Variants in SGCG observed in about 807,000 individuals in gnomAD.
SGCG encodes gamma-sarcoglycan.
Under a neutral mutation model 29.3 loss-of-function variants are expected in SGCG, and 26 were observed. The ratio of observed to expected loss-of-function variants is 0.89; its 90% CI spans 0.65 to 1.23. The LOEUF is 1.23. Among genes scored for constraint, SGCG ranks in the 50% most tolerant of loss-of-function variants. The probability of loss-of-function intolerance (pLI) is 0.00; values close to 1 mark genes in which losing one functional copy is unlikely to be tolerated. For missense variants in SGCG, 353 were observed against 356.0 expected (o/e 0.99, Z 0.07); for synonymous variants, 145 against 129.7 (o/e 1.12, Z -0.80).
rs1328515702 is a variant in SGCG, at chr13:23,181,075, G to C, written c.-1G>C. On this transcript the variant is annotated splice_region_variant and 5_prime_UTR_variant, in exon 1 of 8. Coordinates refer to ENST00000218867, the MANE Select transcript of SGCG (RefSeq NM_000231.3). ...CCAGTGTGCTTTTCTTAATATCTAA[G>C]GTAAGTGCTCAGTTTTAACTTAGAT... 1 of 152,086 alleles carries C rather than the reference G, an allele frequency of 6.6e-6. No homozygotes were observed. Among genetic ancestry groups the C allele is most frequent in the Non-Finnish European group, 1.5e-5 (1 of 68,018 alleles). 9.4% of individuals were successfully genotyped at this position (152,086 alleles called of 1,614,324 possible).
At chr13:23,300,931 C>T (rs9507074) in intron 6 of SGCG, among the ~76,000 whole-genome samples, 83,900 of 151,646 alleles carry the variant, frequency 0.55, 24,381 homozygotes, top group East Asian at 0.84. Flanking sequence ...CTGGCTAACA[C>T]GGTGAAACCC....
intron 6 of SGCG, among the ~76,000 whole-genome samples, chr13:23,305,833 A>AG (rs1419361152): frequency 3.3e-5 from 5 of 152,164 alleles, no homozygotes; most frequent in African/African-American, 1.2e-4. Flanking sequence ...TCTGAGAATA[A>AG]ATCCTACTTT....
intron 6 of SGCG, among the ~76,000 whole-genome samples, chr13:23,317,030 G>C (rs34453892): frequency 0.2 from 30,578 of 151,946 alleles, 3,740 homozygotes; most frequent in Middle Eastern, 0.31. Context: ...CACAGTGAAA[G>C]CTGTCTCTAC....
chr13:23,183,890 T>C (rs1876854193), intron 1 of SGCG, among the ~76,000 whole-genome samples: 1 of 152,136 alleles, frequency 6.6e-6, no homozygotes, highest in Non-Finnish European at 1.5e-5. Flanking sequence ...ATGGTCTCGA[T>C]CTGCTGACCT....
intron 5 of SGCG, among the ~76,000 whole-genome samples, chr13:23,282,044 C>G (rs1429807924): frequency 6.6e-6 from 1 of 152,152 alleles, no homozygotes; most frequent in African/African-American, 2.4e-5. Context: ...CAAAATATAC[C>G]CCACCTCTAA....
At chr13:23,200,809 C>T (rs1330441225) in intron 1 of SGCG, among the ~76,000 whole-genome samples, 1 of 152,082 alleles carries the variant, frequency 6.6e-6, no homozygotes, top group Admixed American at 6.6e-5. Context: ...ATCGGGAGAC[C>T]TTCCAGGTAG....
intron 5 of SGCG, 86 bp downstream of exon 5, chr13:23,279,564 A>G: frequency 7.4e-7 from 1 of 1,342,958 alleles, no homozygotes; most frequent in Non-Finnish European, 1.1e-6. Flanking sequence ...TTTATGTGGA[A>G]TCTTTCAAGC....
At chr13:23,314,932 C>T (rs1366468546) in intron 6 of SGCG, among the ~76,000 whole-genome samples, 1 of 152,144 alleles carries the variant, frequency 6.6e-6, no homozygotes, top group Non-Finnish European at 1.5e-5. Context: ...TATCGAGTGA[C>T]CCAAAAGGCT....
chr13:23,187,651 G>A (rs566983761), intron 1 of SGCG, among the ~76,000 whole-genome samples: 76 of 152,262 alleles, frequency 5.0e-4, no homozygotes, highest in African/African-American at 1.1e-3. Context: ...GTGGGTGACC[G>A]GGACTCTGGG....
chr13:23,192,596 A>G (rs559177330), intron 1 of SGCG, among the ~76,000 whole-genome samples: 1 of 151,974 alleles, frequency 6.6e-6, no homozygotes, highest in African/African-American at 2.4e-5. Context: ...GGGTTTCACC[A>G]TGTTGGCCAG....
chr13:23,277,318 T>C (rs1881115576), intron 4 of SGCG, among the ~76,000 whole-genome samples: 1 of 151,988 alleles, frequency 6.6e-6, no homozygotes, highest in South Asian at 2.1e-4. Flanking sequence ...AATAAATACA[T>C]AGGCATATCA....
intron 1 of SGCG, among the ~76,000 whole-genome samples, chr13:23,200,124 TA>T (rs11308496): frequency 0.58 from 88,539 of 152,016 alleles, 26,485 homozygotes; most frequent in South Asian, 0.72. Context: ...TACGCTTAAA[TA>T]AAAAATGTCT....
At chr13:23,236,665 G>A (rs769572044) in intron 3 of SGCG, among the ~76,000 whole-genome samples, 16 of 151,930 alleles carry the variant, frequency 1.1e-4, no homozygotes, top group Admixed American at 2.0e-4. Context: ...GCCACAGAGT[G>A]AGACTCCGTC....
chr13:23,300,832 AG>A (rs369393372), intron 6 of SGCG, among the ~76,000 whole-genome samples: 1 of 131,622 alleles, frequency 7.6e-6, no homozygotes, highest in African/African-American at 2.8e-5. Context: ...AAAAAAAAAA[AG>A]GGCCGGGCGC....
chr13:23,229,561 A>T (rs975494376), intron 2 of SGCG, among the ~76,000 whole-genome samples: 1 of 150,974 alleles, frequency 6.6e-6, no homozygotes, highest in East Asian at 2.0e-4. Flanking sequence ...ACATTTTTTC[A>T]TGTGCTTTTT....
chr13:23,213,168 GATTA>G (rs1399627246), intron 2 of SGCG, among the ~76,000 whole-genome samples: 9 of 152,086 alleles, frequency 5.9e-5, no homozygotes, highest in African/African-American at 2.2e-4. Flanking sequence ...CAATTTATAG[GATTA>G]ATTAATTTAA....
chr13:23,299,437 TATATATATA>T (rs1193756907), intron 6 of SGCG, among the ~76,000 whole-genome samples: 201 of 19,580 alleles, frequency 0.01, 18 homozygotes, highest in African/African-American at 0.025. Flanking sequence ...TATATATATA[TATATATATA>T]TATATATATA....
chr13:23,191,170 A>ATCAGCCATAG (rs1432100139), intron 1 of SGCG, among the ~76,000 whole-genome samples: 1 of 152,226 alleles, frequency 6.6e-6, no homozygotes, highest in African/African-American at 2.4e-5. Flanking sequence ...AAAAGCAGAG[A>ATCAGCCATAG]TCAGCCATAG....
chr13:23,276,674 A>G lies in SGCG; in HGVS notation c.386-2685A>G, dbSNP rs1019802397. Among the ~76,000 whole-genome samples, 14 of 152,260 alleles carry G rather than the reference A, an allele frequency of 9.2e-5. No homozygotes were observed. In the East Asian group the frequency reaches 2.5e-3, roughly 27 times the overall value. On this transcript the variant is annotated intron_variant, in intron 4 of 7. Coordinates refer to ENST00000218867, the MANE Select transcript of SGCG (RefSeq NM_000231.3). ...CGCGAACTCCTGATGAGCTCAGGCA[A>G]TCTGCCCGCCTCGGCTTCCCAAAGT...
Sources: gnomAD v4.1 joint callset for allele counts (sites outside exome capture counted in the v4.1 genomes callset) on GRCh38, gnomAD v4.1.1 for gene constraint, MANE v1.5 for transcripts, NCBI Gene and HGNC (gene_info 2026-07-23, HGNC 2026-07-21) for gene names.